Variants in ZNF700 observed in about 807,000 individuals in gnomAD.
ZNF700 encodes zinc finger protein 700.
ZNF700 carries 38 observed loss-of-function variants against 65.3 expected under a neutral mutation model. The ratio of observed to expected loss-of-function variants is 0.58; its 90% CI spans 0.45 to 0.76. The LOEUF (loss-of-function observed/expected upper bound fraction) is 0.76, where lower values mean the gene tolerates loss of function less well. Ranked by LOEUF, ZNF700 falls within the 30% of genes least tolerant of loss-of-function variation. The probability of loss-of-function intolerance (pLI) is 0.00; values close to 1 mark genes in which losing one functional copy is unlikely to be tolerated. For synonymous variants in ZNF700, 285 were observed against 290.4 expected (o/e 0.98, Z 0.19); for missense variants, 857 against 888.4 (o/e 0.96, Z 0.45).
chr19:11,950,469 C>CA lies in ZNF700; in HGVS notation c.*216_*217insA. The CA allele has an allele frequency of 1.4e-6, 1 of 690,226 alleles. No individual in the cohort carries two copies. The highest frequency in any genetic ancestry group is 2.6e-6 in the Non-Finnish European group (1 of 381,162). 42.8% of individuals were successfully genotyped at this position (690,226 alleles called of 1,614,324 possible). On this transcript the variant is annotated 3_prime_UTR_variant, in exon 4 of 4. Transcript: ENST00000254321. ...AAAGGACTCACACGGGAGAGAAACC[C>CA]TATGAGTGTATTCTAGTTCCGTTTG...
In ZNF700 at chr19:11,929,218, T is replaced by C. The variant is rs1048959544; in HGVS notation, c.63+3945T>C. On this transcript the variant is annotated intron_variant, in intron 1 of 3. Coordinates refer to ENST00000254321, the MANE Select transcript of ZNF700 (RefSeq NM_144566.3). The stretch of plus-strand genomic sequence containing the variant: ...TCTCACTCTGTCACCCAGGCTGGAG[T>C]GCAGGCGCGATCTCAGCTCACTGCA... Among the ~76,000 whole-genome samples, 12 of 148,432 alleles carry C rather than the reference T, an allele frequency of 8.1e-5. 2 individuals are homozygous for C. The highest frequency in any genetic ancestry group is 3.2e-4 in the African/African-American group (12 of 38,068).
chr19:11,943,452 C>G (rs1356142408), intron 1 of ZNF700, among the ~76,000 whole-genome samples: 1 of 152,196 alleles, frequency 6.6e-6, no homozygotes, highest in East Asian at 1.9e-4. Flanking sequence ...TAGCTTGTAA[C>G]CATATGATCC....
At position 11,947,181 on chromosome 19, in the gene ZNF700, G is replaced by A. The variant is rs750389227; in HGVS notation, c.64G>A (p.Asp22Asn). The A allele has an allele frequency of 2.5e-6, 4 of 1,613,418 alleles. No individual in the cohort carries two copies. The highest frequency in any genetic ancestry group is 2.7e-5 in the African/African-American group (2 of 74,884). The change falls in exon 2 of 4, where the codon GAC becomes AAC. Residue 22 changes from aspartate (D) to asparagine (N), a missense_variant and splice_region_variant. By Grantham distance (23) the Asp-to-Asn change is conservative. This residue lies in a region of ZNF700 where 603 missense variants were observed against 619.9 expected (regional missense o/e 0.97). Coordinates refer to ENST00000254321, the MANE Select transcript of ZNF700 (RefSeq NM_144566.3). Reference protein sequence around the residue: ...DPGTSESREMDPVAFEDVAVN... With the variant: ...DPGTSESREMNPVAFEDVAVN... ...CCTCTACACATGTGAGATGTTTCAG[G>A]ACCCAGTGGCCTTTGAGGATGTGGC...
intron 1 of ZNF700, among the ~76,000 whole-genome samples, chr19:11,938,594 A>G (rs947465952): frequency 2.0e-5 from 3 of 152,180 alleles, no homozygotes; most frequent in Non-Finnish European, 2.9e-5. Context: ...ATAGTATTCC[A>G]TGTGTATATG....
intron 1 of ZNF700, among the ~76,000 whole-genome samples, chr19:11,938,560 G>A (rs1166300188): frequency 6.6e-6 from 1 of 152,178 alleles, no homozygotes; most frequent in Non-Finnish European, 1.5e-5. Flanking sequence ...CAAAGGACAT[G>A]AACTCATCCT....
chr19:11,944,606 G>A (rs1314138491), intron 1 of ZNF700, among the ~76,000 whole-genome samples: 2 of 152,160 alleles, frequency 1.3e-5, no homozygotes, highest in African/African-American at 2.4e-5. Flanking sequence ...CTCAGTTCGC[G>A]TTGGATAAGC....
intron 1 of ZNF700, among the ~76,000 whole-genome samples, chr19:11,929,570 C>A (rs8113226): frequency 0.12 from 17,107 of 147,802 alleles, 3,575 homozygotes; most frequent in African/African-American, 0.33. Context: ...TTTCCCTATA[C>A]ATTAGTAATT....
rs1389211802 is a variant in ZNF700 at position 11,948,616 on chromosome 19, G to A, written c.592G>A (p.Val198Ile). 8.7e-6 allele frequency: 14 copies of A among 1,610,954 alleles called. No individual in the cohort carries two copies. The highest frequency in any genetic ancestry group is 1.3e-5 in the African/African-American group (1 of 74,438). ...TGGAGAGAAACCCTATGCTTGTAAA[G>A]TCTGTGGAAAAACCTTTATTTTCCA... ...HTGEKPYACK[V>I]CGKTFIFHSS... Residue 198 changes from valine to isoleucine, a missense_variant, in exon 4 of 4, where the codon GTC (valine) becomes ATC (isoleucine). Around this residue, in one of 3 missense-constraint regions of ZNF700, gnomAD observed 603 missense variants for 619.9 expected, o/e 0.97. Transcript: ENST00000254321.
At chr19:11,930,725 G>A (rs1205052524) in intron 1 of ZNF700, among the ~76,000 whole-genome samples, 8 of 148,164 alleles carry the variant, frequency 5.4e-5, no homozygotes, top group African/African-American at 2.1e-4. Context: ...CCCAGACTGG[G>A]TGTGGTGGCT....
In ZNF700 at chr19:11,950,267, A is replaced by C. The variant is rs1568299250; in HGVS notation, c.*14A>C. 1 of 1,596,302 alleles carries C rather than the reference A, an allele frequency of 6.3e-7. No individual in the cohort carries two copies. The highest frequency in any genetic ancestry group is 1.9e-5 in the Admixed American group (1 of 53,756). On this transcript the variant is annotated 3_prime_UTR_variant, in exon 4 of 4. Transcript: ENST00000254321. ...GCATTCAGCTAGCCTGGTTCCTTTTATGGACATGAATAGACTCACACTGGA... is the reference window on the plus strand; with the variant it reads ...GCATTCAGCTAGCCTGGTTCCTTTTCTGGACATGAATAGACTCACACTGGA...
At chr19:11,925,701 A>C (rs1169420380) in intron 1 of ZNF700, among the ~76,000 whole-genome samples, 1 of 152,218 alleles carries the variant, frequency 6.6e-6, no homozygotes, top group African/African-American at 2.4e-5. Flanking sequence ...ACAATTAAAG[A>C]GTTCATTTGA....
At chr19:11,933,591 CA>C (rs1318019261) in intron 1 of ZNF700, among the ~76,000 whole-genome samples, 10 of 147,948 alleles carry the variant, frequency 6.8e-5, no homozygotes, top group Non-Finnish European at 1.5e-5. Context: ...CTCGGTTTTG[CA>C]TTTTCCAGAA....
At chr19:11,939,565 G>A (rs140440727) in intron 1 of ZNF700, among the ~76,000 whole-genome samples, 42 of 152,134 alleles carry the variant, frequency 2.8e-4, no homozygotes, top group African/African-American at 9.2e-4. Context: ...TGAGGGCTCT[G>A]TTCTGTTCCA....
intron 1 of ZNF700, among the ~76,000 whole-genome samples, chr19:11,931,387 A>T (rs1248521833): frequency 6.8e-6 from 1 of 148,018 alleles, no homozygotes; most frequent in African/African-American, 2.7e-5. Context: ...AATCTCATTC[A>T]GAAAGGATTT....
chr19:11,934,847 T>C (rs1444019210), intron 1 of ZNF700, among the ~76,000 whole-genome samples: 1 of 147,700 alleles, frequency 6.8e-6, no homozygotes, highest in African/African-American at 2.7e-5. Context: ...CGCTCTTTAA[T>C]GACACGTGAT....
rs750965757 is a variant in ZNF700, at chr19:11,949,768, C to T, written c.1744C>T (p.His582Tyr). Residue 582 changes from histidine (H) to tyrosine (Y), a missense_variant, in exon 4 of 4, where the codon CAT becomes TAT. By Grantham distance (83) the His-to-Tyr change is moderately conservative. Around this residue, in one of 3 missense-constraint regions of ZNF700, gnomAD observed 251 missense variants for 250.3 expected, o/e 1.00. Coordinates refer to ENST00000254321, the MANE Select transcript of ZNF700 (RefSeq NM_144566.3). ...CAGATCTGCCTCACACCTTCGAATG[C>T]ATGAAAGGACTCACACTGGAGAGAA... ...AFRSASHLRM[H>Y]ERTHTGEKPY... 6.2e-7 allele frequency: 1 copy of T among 1,614,016 alleles called. No individual in the cohort carries two copies. Among genetic ancestry groups the T allele is most frequent in the South Asian group, 1.1e-5 (1 of 91,060 alleles).
At position 11,948,602 on chromosome 19, in the gene ZNF700, C is replaced by G. The variant is rs1973000679; in HGVS notation, c.578C>G (p.Pro193Arg). 1.2e-6 allele frequency: 2 copies of G among 1,610,264 alleles called. No homozygotes were observed. The highest frequency in any genetic ancestry group is 1.7e-5 in the Admixed American group (1 of 58,612). Reference sequence around the variant, plus strand: ...GAAAGGGATCACACTGGAGAGAAACCCTATGCTTGTAAAGTCTGTGGAAAA... The same window carrying G: ...GAAAGGGATCACACTGGAGAGAAACGCTATGCTTGTAAAGTCTGTGGAAAA... ...TQERDHTGEK[P>R]YACKVCGKTF... The change falls in exon 4 of 4, where the codon CCC becomes CGC. Residue 193 changes from proline (P) to arginine (R), a missense_variant. Physicochemically the swap from Pro to Arg is moderately radical, Grantham distance 103 (BLOSUM62 -2). Transcript: ENST00000254321.
intron 3 of ZNF700, among the ~76,000 whole-genome samples, chr19:11,947,826 C>G (rs1250346198): frequency 6.6e-6 from 1 of 152,088 alleles, no homozygotes; most frequent in South Asian, 2.1e-4. Context: ...TGCAACATAA[C>G]GAGACCACAT....
rs1973023778 is a variant in ZNF700 at position 11,949,463 on chromosome 19, G to A, written c.1439G>A (p.Gly480Glu). 3 of 1,612,684 alleles carry A rather than the reference G, an allele frequency of 1.9e-6. No individual in the cohort carries two copies. The highest frequency in any genetic ancestry group is 2.5e-6 in the Non-Finnish European group (3 of 1,179,718). Residue 480 changes from glycine (G) to glutamate (E), a missense_variant, in exon 4 of 4, where the codon GGG becomes GAG. Physicochemically the swap from Gly to Glu is moderately conservative, Grantham distance 98. This residue lies in a region of ZNF700 where 603 missense variants were observed against 619.9 expected (regional missense o/e 0.97). Transcript: ENST00000254321. ...GEKPYECKECGKAFRYVKHLQ... is the reference protein window; with the variant it reads ...GEKPYECKECEKAFRYVKHLQ... ...AAACCCTATGAATGTAAGGAATGTG[G>A]GAAAGCCTTCAGATATGTGAAGCAC...
Sources: allele counts gnomAD v4.1 joint callset (sites outside exome capture counted in the v4.1 genomes callset), GRCh38; gene constraint gnomAD v4.1.1; regional missense constraint gnomAD v4.1.1; transcripts MANE v1.5; gene names NCBI Gene and HGNC (gene_info 2026-07-23, HGNC 2026-07-21).